CHD2: variants seen among roughly 807,000 people sequenced by gnomAD.
The protein encoded by CHD2 is ATP-dependent chromatin remodeler CHD2.
Under a neutral mutation model 243.9 loss-of-function variants are expected in CHD2, and 28 were observed. That is an observed-to-expected ratio of 0.11 (90% CI 0.09 to 0.16). The LOEUF (loss-of-function observed/expected upper bound fraction) is 0.16, where lower values mean the gene tolerates loss of function less well. Ranked by LOEUF, CHD2 falls within the 10% of genes least tolerant of loss-of-function variation. The pLI is 1.00. For missense variants in CHD2, 1,386 were observed against 2,209.8 expected, an observed-to-expected ratio of 0.63 and a Z score of 7.47; for synonymous variants, 775 against 779.0, an observed-to-expected ratio of 0.99 and a Z score of 0.09.
chr15:92,962,416 G>C (rs1430891389), intron 16 of CHD2, among the ~76,000 whole-genome samples: 3 of 151,820 alleles, frequency 2.0e-5, no homozygotes, highest in Non-Finnish European at 2.9e-5. Flanking sequence ...AATTCTCTGT[G>C]ATTTATTCTT....
At chr15:92,902,998 C>T (rs999570043) in intron 2 of CHD2, among the ~76,000 whole-genome samples, 10 of 152,206 alleles carry the variant, frequency 6.6e-5, no homozygotes, top group African/African-American at 2.2e-4. Flanking sequence ...GAGGTTACAG[C>T]TGTACATGAA....
chr15:92,933,275 T>C (rs1242739542), intron 5 of CHD2, among the ~76,000 whole-genome samples: 4 of 152,230 alleles, frequency 2.6e-5, no homozygotes, highest in Non-Finnish European at 4.4e-5. Context: ...AAAATATTTT[T>C]AAATTAGTTA....
Position 92,998,715 on chromosome 15 carries a change from A to G in CHD2, c.4008+94A>G, listed in dbSNP as rs900172687. 5.0e-6 allele frequency: 7 copies of G among 1,397,032 alleles called. No individual in the cohort carries two copies. In the African/African-American group the frequency reaches 1.0e-4, roughly 20 times the overall value. 86.5% of individuals were successfully genotyped at this position (1,397,032 alleles called of 1,614,324 possible). ...GAGAGAGGCCCTCTCTGAGCACTGCACAGAATGTCACCTTCTCATGGGCAT... is the reference window on the plus strand; with the variant it reads ...GAGAGAGGCCCTCTCTGAGCACTGCGCAGAATGTCACCTTCTCATGGGCAT... On this transcript the variant is annotated intron_variant, in intron 31 of 38. Transcript: ENST00000394196. The surrounding 1 kb of genome is among the most constrained non-coding windows in gnomAD (Gnocchi z 5.1).
At chr15:92,938,971 A>T (rs969066276) in intron 6 of CHD2, among the ~76,000 whole-genome samples, 1 of 152,312 alleles carries the variant, frequency 6.6e-6, no homozygotes, top group Admixed American at 6.5e-5. Context: ...CTTCACACAG[A>T]TAATAGCATC....
intron 5 of CHD2, among the ~76,000 whole-genome samples, chr15:92,933,547 TA>T (rs1320141031): frequency 6.6e-6 from 1 of 152,244 alleles, no homozygotes; most frequent in Non-Finnish European, 1.5e-5. Flanking sequence ...CTCTTAATGT[TA>T]TCCAAATTGC....
chr15:92,995,067 A>G (rs772058589), intron 28 of CHD2, among the ~76,000 whole-genome samples: 3 of 152,220 alleles, frequency 2.0e-5, no homozygotes, highest in Admixed American at 6.5e-5. Flanking sequence ...CCAAATACCA[A>G]TACCAATCTT....
intron 25 of CHD2, among the ~76,000 whole-genome samples, chr15:92,985,141 ATC>A (rs2054025995): frequency 6.6e-6 from 1 of 152,190 alleles, no homozygotes. Context: ...ACTGAAAACC[ATC>A]TGTTATAGGT....
chr15:93,017,130 G>A (rs1161569966), intron 37 of CHD2, among the ~76,000 whole-genome samples: 2 of 152,134 alleles, frequency 1.3e-5, no homozygotes, highest in Non-Finnish European at 2.9e-5. Context: ...CCCACTCTGC[G>A]GGTTGTCTGT....
Position 92,997,010 on chromosome 15 carries a change from G to A in CHD2, c.3649G>A (p.Val1217Ile). Reference sequence around the variant, plus strand: ...AACAATCAAGATATCCGGAGTTCAGGTTAATGTGAAATCCATTATCCAACA... The same window carrying A: ...AACAATCAAGATATCCGGAGTTCAGATTAATGTGAAATCCATTATCCAACA... Reference protein sequence around the residue: ...GPTIKISGVQVNVKSIIQHEE... With the variant: ...GPTIKISGVQINVKSIIQHEE... Residue 1217 changes from valine (V) to isoleucine (I), a missense_variant, in exon 29 of 39, where the codon GTT (valine) becomes ATT (isoleucine). Val to Ile is a conservative substitution (Grantham distance 29). This residue lies in a region of CHD2 where 99 missense variants were observed against 176.9 expected (regional missense o/e 0.56). Transcript: ENST00000394196. The surrounding 1 kb of genome is among the most constrained non-coding windows in gnomAD (Gnocchi z 4.1). The A allele has an allele frequency of 6.2e-7, 1 of 1,613,844 alleles. No individual in the cohort carries two copies. The highest frequency in any genetic ancestry group is 8.5e-7 in the Non-Finnish European group (1 of 1,179,938).
intron 20 of CHD2, among the ~76,000 whole-genome samples, chr15:92,976,828 G>A (rs1480459269): frequency 6.6e-6 from 1 of 151,368 alleles, no homozygotes; most frequent in East Asian, 1.9e-4. Context: ...GAGACCAGGA[G>A]TTTGAGGCTG....
At chr15:92,913,123 G>T (rs539793742) in intron 2 of CHD2, among the ~76,000 whole-genome samples, 1 of 152,170 alleles carries the variant, frequency 6.6e-6, no homozygotes, top group African/African-American at 2.4e-5. Flanking sequence ...AAAAAATTCA[G>T]CAATTCTAGG....
At chr15:92,976,624 C>A (rs1596425398) in intron 20 of CHD2, among the ~76,000 whole-genome samples, 1 of 149,836 alleles carries the variant, frequency 6.7e-6, no homozygotes, top group South Asian at 2.1e-4. Context: ...TGAGACCAGC[C>A]TGGTCAACAT....
intron 35 of CHD2, among the ~76,000 whole-genome samples, chr15:93,009,972 A>G (rs1292774325): frequency 6.6e-6 from 1 of 152,136 alleles, no homozygotes; most frequent in African/African-American, 2.4e-5. Context: ...ATTTTGGTGC[A>G]CCCATCACCC....
chr15:92,933,035 C>T (rs2053201788), intron 5 of CHD2, among the ~76,000 whole-genome samples: 1 of 78,510 alleles, frequency 1.3e-5, no homozygotes, highest in South Asian at 5.8e-4. Flanking sequence ...AGCCACCGCG[C>T]CCGGCCCCTT....
At chr15:92,960,845 G>T (rs1236493292) in intron 16 of CHD2, among the ~76,000 whole-genome samples, 1 of 151,276 alleles carries the variant, frequency 6.6e-6, no homozygotes, top group African/African-American at 2.4e-5. Flanking sequence ...CTTCCAGGTA[G>T]CTGGGATTAC....
At chr15:93,000,764 T>G in intron 32 of CHD2, 124 bp downstream of exon 32, 2 of 1,069,590 alleles carry the variant, frequency 1.9e-6, no homozygotes, top group Non-Finnish European at 2.6e-6. Flanking sequence ...ATAGAATATG[T>G]AAGTCTTCGC....
intron 16 of CHD2, among the ~76,000 whole-genome samples, chr15:92,962,008 A>G (rs942006081): frequency 2.0e-5 from 3 of 147,156 alleles, no homozygotes; most frequent in African/African-American, 7.6e-5. Flanking sequence ...CAGCCTCTTG[A>G]GTAGCTGGGA....
Position 93,024,459 on chromosome 15 carries a change from C to G in CHD2, c.5241C>G (p.His1747Gln), listed in dbSNP as rs1309817776. The G allele has an allele frequency of 2.5e-6, 4 of 1,614,088 alleles. No individual in the cohort carries two copies. Among genetic ancestry groups the G allele is most frequent in the Non-Finnish European group, 3.4e-6 (4 of 1,180,046 alleles). The part of the protein sequence containing the change: ...HQQDFRRMSD[H>Q]RPAMGYHGQG... ...AGGATTTCCGACGAATGTCTGATCA[C>G]CGCCCCGCTATGGGCTACCATGGCC... The change falls in exon 39 of 39, where the codon CAC becomes CAG. Residue 1747 changes from histidine to glutamine, a missense_variant. By Grantham distance (24) the His-to-Gln change is conservative (BLOSUM62 0). Transcript: ENST00000394196.
chr15:93,016,779 C>CAA (rs58103362), intron 37 of CHD2, among the ~76,000 whole-genome samples: 3 of 77,984 alleles, frequency 3.8e-5, no homozygotes, highest in Non-Finnish European at 5.1e-5. Context: ...GAGACCGTCT[C>CAA]AAAAAAAAAA....
Sources: gnomAD v4.1 joint callset for allele counts (sites outside exome capture counted in the v4.1 genomes callset) on GRCh38, gnomAD v4.1.1 for gene constraint, gnomAD v4.1.1 regional missense constraint, Gnocchi (gnomAD v3.1) non-coding constraint, MANE v1.5 for transcripts, NCBI Gene and HGNC (gene_info 2026-07-23, HGNC 2026-07-21) for gene names.